The following PPIL4 variants were observed in gnomAD, a reference collection of about 807,000 sequenced individuals.
The protein encoded by PPIL4 is peptidylprolyl isomerase like 4.
Under a neutral mutation model 69.1 loss-of-function variants are expected in PPIL4, and 50 were observed. The ratio of observed to expected loss-of-function variants is 0.72; its 90% CI spans 0.58 to 0.92. The LOEUF is 0.92. Among genes scored for constraint, PPIL4 ranks in the 40% least tolerant of loss-of-function variants. The pLI, the probability that PPIL4 is intolerant of heterozygous loss-of-function variation, is 0.00. For missense variants in PPIL4, 480 were observed against 587.9 expected (o/e 0.82, Z 1.90); for synonymous variants, 193 against 191.6 (o/e 1.01, Z -0.06).
chr6:149,509,853 GT>G (rs375386207), intron 12 of PPIL4, among the ~76,000 whole-genome samples: 24 of 152,124 alleles, frequency 1.6e-4, no homozygotes, highest in African/African-American at 5.8e-4. Context: ...TCACTTTGTT[GT>G]GTGAAAGGGG....
intron 8 of PPIL4, 77 bp from the exon 9 acceptor site, chr6:149,525,286 A>C (rs1472683267): frequency 1.4e-6 from 1 of 702,758 alleles, no homozygotes; most frequent in Non-Finnish European, 2.4e-6. Context: ...TCAAAACTGA[A>C]GAAGAAATAA....
rs754360166 is a variant in PPIL4, at chr6:149,505,507, GTC to G, written c.1423_1424del (p.Asp475ProfsTer11). 1 of 1,613,718 alleles carries G rather than the reference GTC, an allele frequency of 6.2e-7. No homozygotes were observed. Among genetic ancestry groups the G allele is most frequent in the East Asian group, 2.2e-5 (1 of 44,870 alleles). ...TGGACTTCTTTGGACTTCTGCTTCG[GTC>G]TCTCTTTTTACTCCTTTCTCTTTCA... is the stretch of plus-strand genomic sequence containing the variant. ...LYERERSKKR[D>X]RSRSPKKSKD... On this transcript the variant is annotated frameshift_variant, in exon 13 of 13. Transcript: ENST00000253329. LOFTEE classifies it high-confidence loss of function.
intron 9 of PPIL4, among the ~76,000 whole-genome samples, chr6:149,521,449 C>T (rs955028934): frequency 7.2e-5 from 11 of 152,162 alleles, no homozygotes; most frequent in Non-Finnish European, 1.2e-4. Flanking sequence ...GACAGTCCAA[C>T]TGCAGTGAAC....
chr6:149,530,513 G>C (rs1177448523), intron 7 of PPIL4, among the ~76,000 whole-genome samples: 2 of 152,086 alleles, frequency 1.3e-5, no homozygotes, highest in East Asian at 3.9e-4. Flanking sequence ...ACAAAAATTA[G>C]CTGGGCGTGG....
chr6:149,526,240 G>A (rs1232726886), intron 8 of PPIL4, among the ~76,000 whole-genome samples: 1 of 152,022 alleles, frequency 6.6e-6, no homozygotes, highest in African/African-American at 2.4e-5. Context: ...CATTAATGCA[G>A]GGAAAACTAA....
intron 4 of PPIL4, among the ~76,000 whole-genome samples, chr6:149,538,016 T>C (rs938815697): frequency 1.1e-4 from 16 of 152,142 alleles, no homozygotes; most frequent in African/African-American, 3.9e-4. Context: ...CCCAGCACTT[T>C]GGGAGGCTGA....
At position 149,517,454 on chromosome 6, in the gene PPIL4, TTTA is replaced by T; in HGVS notation, c.983-7_983-5del. On this transcript the variant is annotated splice_polypyrimidine_tract_variant and splice_region_variant and intron_variant, in intron 10 of 12. Coordinates refer to ENST00000253329, the MANE Select transcript of PPIL4 (RefSeq NM_139126.4). ...TCACTCTTGGTGTATTTCCCACCTA[TTTA>T]TTAAGAAAAGAAAAAAAGAGCTTAG... The T allele has an allele frequency of 6.8e-7, 1 of 1,475,152 alleles. No individual in the cohort carries two copies. The highest frequency in any genetic ancestry group is 9.2e-7 in the Non-Finnish European group (1 of 1,088,306). The allele number at this position is 1,475,152 out of a possible 1,614,324, so 91.4% of individuals were successfully genotyped here. A position where few individuals can be genotyped will look rare whatever the true frequency, so the allele number is the denominator to read the frequency against.
chr6:149,545,316 G>A (rs9404042), intron 1 of PPIL4, among the ~76,000 whole-genome samples: 59,179 of 151,982 alleles, frequency 0.39, 16,630 homozygotes, highest in East Asian at 0.77. Flanking sequence ...TCTGGTTTCC[G>A]TGGCAACTTA....
Position 149,505,428 on chromosome 6 carries a change from C to T in PPIL4, c.*25G>A, listed in dbSNP as rs1562254638. The T allele has an allele frequency of 6.3e-7, 1 of 1,596,920 alleles. No individual in the cohort carries two copies. Among genetic ancestry groups the T allele is most frequent in the Non-Finnish European group, 8.5e-7 (1 of 1,173,250 alleles). On this transcript the variant is annotated 3_prime_UTR_variant, in exon 13 of 13. Coordinates refer to ENST00000253329, the MANE Select transcript of PPIL4 (RefSeq NM_139126.4). ...AGTTAGACAAGAGTAAATATGTTAG[C>T]CTCTCAATTCTGCCTCTTCATCTTT...
intron 9 of PPIL4, among the ~76,000 whole-genome samples, chr6:149,524,803 G>T (rs1272550440): frequency 6.6e-6 from 1 of 152,086 alleles, no homozygotes; most frequent in Non-Finnish European, 1.5e-5. Context: ...TGGGGAGGCT[G>T]AGGCAAGAGA....
intron 1 of PPIL4, 110 bp downstream of exon 1, chr6:149,545,826 C>T: frequency 1.9e-6 from 2 of 1,035,468 alleles, no homozygotes; most frequent in South Asian, 1.4e-5. Flanking sequence ...GCACCAGCAG[C>T]CCAGAAGCTC....
chr6:149,514,624 G>A (rs917210604), intron 11 of PPIL4, among the ~76,000 whole-genome samples: 5 of 150,082 alleles, frequency 3.3e-5, no homozygotes, highest in African/African-American at 1.2e-4. Flanking sequence ...GCCTGGCTCA[G>A]AGCAATGTTT....
chr6:149,540,311 A>C (rs905103935), intron 4 of PPIL4, among the ~76,000 whole-genome samples: 1 of 151,930 alleles, frequency 6.6e-6, no homozygotes, highest in African/African-American at 2.4e-5. Context: ...AATGTTTTTA[A>C]AAAAGTAAGA....
At chr6:149,529,921 C>T (rs2115035767) in intron 7 of PPIL4, among the ~76,000 whole-genome samples, 1 of 152,248 alleles carries the variant, frequency 6.6e-6, no homozygotes, top group South Asian at 2.1e-4. Flanking sequence ...ATAATTCCAA[C>T]TATATGACAT....
At position 149,540,887 on chromosome 6, in the gene PPIL4, C is replaced by A. The variant is rs116092456; in HGVS notation, c.321+55G>T. ...ATAGTTTAAAAAATAACTCTGTGGGCTCCTTCCAGTCCTTCATTTCTAAGC... is the reference window on the plus strand; with the variant it reads ...ATAGTTTAAAAAATAACTCTGTGGGATCCTTCCAGTCCTTCATTTCTAAGC... On this transcript the variant is annotated intron_variant, in intron 4 of 12. Transcript: ENST00000253329. 1,346 of 1,065,526 alleles carry A rather than the reference C, an allele frequency of 1.3e-3. 16 individuals are homozygous for A. In the African/African-American group the frequency reaches 0.018, roughly 14 times the overall value. 66.0% of individuals were successfully genotyped at this position (1,065,526 alleles called of 1,614,324 possible). A position where few individuals can be genotyped will look rare whatever the true frequency, so the allele number is the denominator to read the frequency against.
chr6:149,538,376 A>G (rs1283228299), intron 4 of PPIL4, among the ~76,000 whole-genome samples: 14 of 152,004 alleles, frequency 9.2e-5, no homozygotes, highest in Non-Finnish European at 2.1e-4. Context: ...ATACAGCCTG[A>G]CATGTGGCAT....
At position 149,541,435 on chromosome 6, in the gene PPIL4, T is replaced by C. The variant is rs1477615214; in HGVS notation, c.139-4A>G. 3.2e-6 allele frequency: 5 copies of C among 1,577,726 alleles called. No individual in the cohort carries two copies. In the African/African-American group the frequency reaches 6.7e-5, roughly 21 times the overall value. On this transcript the variant is annotated splice_polypyrimidine_tract_variant and splice_region_variant and intron_variant, in intron 2 of 12. Transcript: ENST00000253329. ...CAGTTTGTATGATAAAATCCCTCTG[T>C]AATATGTAGGATTCTTTGTTAATTC...
At position 149,525,216 on chromosome 6, in the gene PPIL4, G is replaced by T; in HGVS notation, c.804-7C>A. 5 of 1,407,844 alleles carry T rather than the reference G, an allele frequency of 3.6e-6. No homozygotes were observed. The highest frequency in any genetic ancestry group is 3.9e-6 in the Non-Finnish European group (4 of 1,029,534). 87.2% of individuals were successfully genotyped at this position (1,407,844 alleles called of 1,614,324 possible). On this transcript the variant is annotated splice_polypyrimidine_tract_variant and splice_region_variant and intron_variant, in intron 8 of 12. Coordinates refer to ENST00000253329, the MANE Select transcript of PPIL4 (RefSeq NM_139126.4). ...GTCTCGGATAACTTCACAACTGAAA[G>T]AAAGTATTTAAAAGTGACTTAAAAA...
chr6:149,516,246 AT>A (rs1562257484), intron 11 of PPIL4, among the ~76,000 whole-genome samples: 1 of 152,180 alleles, frequency 6.6e-6, no homozygotes, highest in Non-Finnish European at 1.5e-5. Flanking sequence ...ATGCCCTTGA[AT>A]GTTGATCTTT....
Sources: gnomAD v4.1 joint callset for allele counts (sites outside exome capture counted in the v4.1 genomes callset) on GRCh38, gnomAD v4.1.1 for gene constraint, MANE v1.5 for transcripts, NCBI Gene and HGNC (gene_info 2026-07-23, HGNC 2026-07-21) for gene names.